Variants in ARMH3 observed in about 807,000 individuals in gnomAD.
ARMH3 encodes the protein armadillo like helical domain containing 3, also known as armadillo-like helical domain-containing protein 3.
In ARMH3, 60 loss-of-function variants were observed where a neutral mutation model predicts 99.1. The observed-to-expected ratio is 0.61, with a 90% CI of 0.49 to 0.75. The LOEUF is 0.75. Among genes scored for constraint, ARMH3 ranks in the 30% least tolerant of loss-of-function variants. ARMH3 has a pLI of 0.00. For synonymous variants in ARMH3, 285 were observed against 292.8 expected, an observed-to-expected ratio of 0.97 and a Z score of 0.27; for missense variants, 679 against 843.1, an observed-to-expected ratio of 0.81 and a Z score of 2.41.
intron 19 of ARMH3, among the ~76,000 whole-genome samples, chr10:101,982,102 C>T (rs1179645236): frequency 1.3e-5 from 2 of 149,932 alleles, no homozygotes; most frequent in African/African-American, 2.5e-5. Context: ...CCGGGTATAG[C>T]GGGTATAGTG....
chr10:101,867,612 T>G (rs2067034308), intron 24 of ARMH3, among the ~76,000 whole-genome samples: 2 of 152,080 alleles, frequency 1.3e-5, no homozygotes. Context: ...GTGGGAGGAC[T>G]GCTGGCATCC....
chr10:102,025,649 C>G (rs1175343333), intron 5 of ARMH3, among the ~76,000 whole-genome samples: 1 of 151,876 alleles, frequency 6.6e-6, no homozygotes, highest in African/African-American at 2.4e-5. Flanking sequence ...CTTTTCTTTT[C>G]TTTTCTTTTC....
intron 17 of ARMH3, among the ~76,000 whole-genome samples, chr10:101,992,405 A>T (rs74153088): frequency 0.062 from 9,454 of 152,242 alleles, 965 homozygotes; most frequent in African/African-American, 0.22. Flanking sequence ...ATAATAATAA[A>T]AAAAAGAGGA....
At chr10:101,944,257 TATATATATATATATATAGAG>T (rs1564778116) in intron 22 of ARMH3, among the ~76,000 whole-genome samples, 3 of 62,132 alleles carry the variant, frequency 4.8e-5, no homozygotes, top group Admixed American at 2.0e-4. Flanking sequence ...TATATATATA[TATATATATATATATATAGAG>T]AGAGAGAGAG....
rs1276834813 is a variant in ARMH3 at position 101,995,285 on chromosome 10, C to T, written c.1209+12G>A. 7 of 1,611,304 alleles carry T rather than the reference C, an allele frequency of 4.3e-6. No homozygotes were observed. Among genetic ancestry groups the T allele is most frequent in the Admixed American group, 1.7e-5 (1 of 59,882 alleles). Reference sequence around the variant, plus strand: ...AAAGACTGCCTAATAGCAGAAGGCTCGTGAGACCTACCTCTGCAATACATG... The same window carrying T: ...AAAGACTGCCTAATAGCAGAAGGCTTGTGAGACCTACCTCTGCAATACATG... On this transcript the variant is annotated intron_variant, in intron 16 of 25. Transcript: ENST00000370033.
At chr10:102,034,309 G>A (rs1400111788) in intron 2 of ARMH3, among the ~76,000 whole-genome samples, 1 of 152,112 alleles carries the variant, frequency 6.6e-6, no homozygotes, top group East Asian at 1.9e-4. Flanking sequence ...ATTCTAGGAA[G>A]TCAGAAGCTG....
chr10:102,032,169 C>T (rs922260605), intron 4 of ARMH3, among the ~76,000 whole-genome samples: 2 of 152,176 alleles, frequency 1.3e-5, no homozygotes, highest in African/African-American at 4.8e-5. Flanking sequence ...TTCTAGAGTA[C>T]TATTTGCTAT....
In ARMH3 at chr10:102,029,647, C is replaced by T. The variant is rs2067080057; in HGVS notation, c.405G>A (p.Leu135=). The T allele has an allele frequency of 6.2e-7, 1 of 1,614,220 alleles. No individual in the cohort carries two copies. The highest frequency in any genetic ancestry group is 2.2e-5 in the East Asian group (1 of 44,892). ...NMLMGFDKAE[L]CMKNLMESLD... is the part of the protein sequence containing the mutation. ...GCAGCTTATGCCTCACCTTCATGCA[C>T]AGCTCCGCCTTGTCAAAGCCCATCA... The change falls in exon 5 of 26, where the codon CTG becomes CTA. Residue 135 remains leucine (L), a synonymous_variant. Transcript: ENST00000370033.
chr10:101,879,135 C>G (rs1161751150), intron 24 of ARMH3, among the ~76,000 whole-genome samples: 2 of 152,144 alleles, frequency 1.3e-5, no homozygotes, highest in African/African-American at 4.8e-5. Flanking sequence ...TCTCCACTTT[C>G]CTGTACTTTT....
At chr10:101,904,406 AGTTTTTTTT>A (rs1471060324) in intron 23 of ARMH3, among the ~76,000 whole-genome samples, 1 of 152,158 alleles carries the variant, frequency 6.6e-6, no homozygotes, top group Non-Finnish European at 1.5e-5. Flanking sequence ...GCCAGTGAGG[AGTTTTTTTT>A]AAGGCAGCCT....
intron 23 of ARMH3, among the ~76,000 whole-genome samples, chr10:101,891,424 A>G (rs1312161898): frequency 1.3e-5 from 2 of 152,120 alleles, no homozygotes; most frequent in African/African-American, 4.8e-5. Flanking sequence ...CAAACTCCTG[A>G]CCTTTCAGGT....
At chr10:102,019,983 G>A (rs1037019678) in intron 8 of ARMH3, among the ~76,000 whole-genome samples, 1 of 151,650 alleles carries the variant, frequency 6.6e-6, no homozygotes, top group Non-Finnish European at 1.5e-5. Context: ...TTCTTTAGGA[G>A]GCCAAGGCAG....
intron 23 of ARMH3, among the ~76,000 whole-genome samples, chr10:101,894,732 C>T (rs2067776748): frequency 6.6e-6 from 1 of 152,152 alleles, no homozygotes; most frequent in Non-Finnish European, 1.5e-5. Flanking sequence ...GTACTTCTCT[C>T]TCACTTTTAC....
intron 23 of ARMH3, among the ~76,000 whole-genome samples, chr10:101,936,922 T>C (rs913429820): frequency 6.6e-6 from 1 of 152,216 alleles, no homozygotes; most frequent in Non-Finnish European, 1.5e-5. Context: ...GGAGCTTTCA[T>C]ATGCATTACA....
intron 23 of ARMH3, among the ~76,000 whole-genome samples, chr10:101,925,638 C>T (rs551595925): frequency 2.4e-4 from 37 of 152,220 alleles, no homozygotes; most frequent in African/African-American, 7.9e-4. Context: ...GGCTGGGGGC[C>T]GTGGCTCAGC....
At chr10:102,033,372 C>T in intron 2 of ARMH3, 33 bp from the exon 3 acceptor site, 1 of 1,595,088 alleles carries the variant, frequency 6.3e-7, no homozygotes, top group South Asian at 1.1e-5. Context: ...TTCAGCCTTC[C>T]CAGCTAACAC....
At chr10:102,029,587 A>AC (rs2067078282) in intron 5 of ARMH3, 51 bp downstream of exon 5, 1 of 1,614,210 alleles carries the variant, frequency 6.2e-7, no homozygotes, top group Admixed American at 1.7e-5. Flanking sequence ...GTGTCCAGGA[A>AC]CAGCTGTCAG....
intron 23 of ARMH3, among the ~76,000 whole-genome samples, chr10:101,895,995 G>A (rs2067823468): frequency 1.3e-5 from 2 of 152,196 alleles, no homozygotes; most frequent in Non-Finnish European, 2.9e-5. Context: ...GCTGGGCACA[G>A]TGACTCATGC....
intron 20 of ARMH3, among the ~76,000 whole-genome samples, chr10:101,958,950 C>A (rs997397288): frequency 2.1e-4 from 32 of 152,132 alleles, no homozygotes; most frequent in African/African-American, 7.7e-4. Context: ...CTGGCTTCAC[C>A]CACATTCTGT....
Sources: gnomAD v4.1 joint callset for allele counts (sites outside exome capture counted in the v4.1 genomes callset) on GRCh38, gnomAD v4.1.1 for gene constraint, MANE v1.5 for transcripts, NCBI Gene and HGNC (gene_info 2026-07-23, HGNC 2026-07-21) for gene names.